Variants in TOMM70 observed in about 807,000 individuals in gnomAD.
The protein encoded by TOMM70 is mitochondrial import receptor subunit TOM70.
In TOMM70, 13 loss-of-function variants were observed where a neutral mutation model predicts 73.6. The ratio of observed to expected loss-of-function variants is 0.18; its 90% CI spans 0.11 to 0.28. The LOEUF is 0.28. Among genes scored for constraint, TOMM70 ranks in the 10% least tolerant of loss-of-function variants. The pLI is 1.00. For missense variants in TOMM70, 609 were observed against 747.5 expected, an observed-to-expected ratio of 0.81 and a Z score of 2.16; for synonymous variants, 257 against 271.2, an observed-to-expected ratio of 0.95 and a Z score of 0.51.
intron 9 of TOMM70, among the ~76,000 whole-genome samples, chr3:100,370,464 T>C (rs1706497096): frequency 6.6e-6 from 1 of 152,218 alleles, no homozygotes; most frequent in Non-Finnish European, 1.5e-5. Flanking sequence ...TTAACAATAA[T>C]GTAATAAATA....
intron 5 of TOMM70, 71 bp from the exon 6 acceptor site, chr3:100,377,983 ACG>A (rs1380112522): frequency 2.2e-6 from 3 of 1,383,904 alleles, no homozygotes; most frequent in Non-Finnish European, 3.0e-6. Context: ...GTGGTGGCTC[ACG>A]CCTGTAATCC....
intron 9 of TOMM70, chr3:100,372,066 C>A (rs1706515941): frequency 6.6e-6 from 1 of 152,182 alleles, no homozygotes; most frequent in South Asian, 2.1e-4. Context: ...AGAAGCTAAT[C>A]ATTTTCATTT....
At chr3:100,370,302 A>T (rs566683695) in intron 9 of TOMM70, among the ~76,000 whole-genome samples, 1 of 152,282 alleles carries the variant, frequency 6.6e-6, no homozygotes, top group African/African-American at 2.4e-5. Flanking sequence ...TCCCTTTAAT[A>T]ATAGGCAGTG....
At chr3:100,397,913 C>G (rs1706843241) in intron 1 of TOMM70, among the ~76,000 whole-genome samples, 1 of 151,456 alleles carries the variant, frequency 6.6e-6, no homozygotes, top group South Asian at 2.1e-4. Flanking sequence ...ATTTGTAAAA[C>G]TAAAAAACTC....
At chr3:100,373,741 G>T in intron 7 of TOMM70, 96 bp from the exon 8 acceptor site, 1 of 677,668 alleles carries the variant, frequency 1.5e-6, no homozygotes. Flanking sequence ...ATAATGCTGA[G>T]CATGTAGTAG....
chr3:100,373,252 G>A (rs277635), intron 8 of TOMM70, among the ~76,000 whole-genome samples: 22,956 of 151,808 alleles, frequency 0.15, 3,223 homozygotes, highest in East Asian at 0.49. Context: ...TTTACAGAGT[G>A]TTTCCTCAAA....
chr3:100,372,873 C>T, intron 8 of TOMM70, 151 bp from the exon 9 acceptor site: 1 of 665,582 alleles, frequency 1.5e-6, no homozygotes, highest in Non-Finnish European at 2.5e-6. Flanking sequence ...AAGTAGGTAT[C>T]TCAGCAGCAG....
In TOMM70 at chr3:100,400,662, G is replaced by A. The variant is rs1202381978; in HGVS notation, c.288C>T (p.Ser96=). ...GAGCACCGGGACCTTCAGGGTGTCCGCTGCCCGGGGCCGGACTGGCCCTGC... is the reference window on the plus strand; with the variant it reads ...GAGCACCGGGACCTTCAGGGTGTCCACTGCCCGGGGCCGGACTGGCCCTGC... ...PEGRASPAPG[S]GHPEGPGAHL... is the part of the protein sequence containing the mutation. Residue 96 remains serine (S), a synonymous_variant, in exon 1 of 12, where the codon AGC becomes AGT. Coordinates refer to ENST00000284320, the MANE Select transcript of TOMM70 (RefSeq NM_014820.5). The A allele has an allele frequency of 2.5e-6, 4 of 1,612,148 alleles. No individual in the cohort carries two copies. In the African/African-American group the frequency reaches 4.0e-5, roughly 16 times the overall value.
chr3:100,377,154 T>G (rs1484722408), intron 6 of TOMM70, among the ~76,000 whole-genome samples: 1 of 152,218 alleles, frequency 6.6e-6, no homozygotes, highest in Admixed American at 6.5e-5. Flanking sequence ...ATTGTTTTGT[T>G]ACACTGAATA....
chr3:100,399,854 G>A (rs1005763021), intron 1 of TOMM70, among the ~76,000 whole-genome samples: 1 of 151,606 alleles, frequency 6.6e-6, no homozygotes, highest in Non-Finnish European at 1.5e-5. Flanking sequence ...AGAGGGGACA[G>A]TGCAGTGCAG....
chr3:100,386,339 T>G lies in TOMM70; in HGVS notation c.504A>C (p.Lys168Asn). ...TACAGTCTTGTGCCACTTCTTTCCA[T>G]TTTTGCTGTAATTGAAAGTATTTAA... ...NRAAAFEQLQ[K>N]WKEVAQDCTK... The change falls in exon 3 of 12, where the codon AAA (lysine) becomes AAC (asparagine). Residue 168 changes from lysine (K) to asparagine (N), a missense_variant. Physicochemically the swap from Lys to Asn is moderately conservative, Grantham distance 94 (BLOSUM62 0). This residue lies in a region of TOMM70 where 432 missense variants were observed against 584.1 expected (regional missense o/e 0.74). Transcript: ENST00000284320. 6.3e-7 allele frequency: 1 copy of G among 1,597,938 alleles called. No individual in the cohort carries two copies. Among genetic ancestry groups the G allele is most frequent in the East Asian group, 2.2e-5 (1 of 44,654 alleles).
In TOMM70 at chr3:100,364,301, A is replaced by G. The variant is rs1191829677; in HGVS notation, c.*1263T>C. Reference sequence around the variant, plus strand: ...GTTAGCTCACTACAAAAAGCACTCTACATGTCCTCAGCATCTTCAAAAATA... The same window carrying G: ...GTTAGCTCACTACAAAAAGCACTCTGCATGTCCTCAGCATCTTCAAAAATA... On this transcript the variant is annotated 3_prime_UTR_variant, in exon 12 of 12. Transcript: ENST00000284320. The G allele has an allele frequency of 6.6e-6, 1 of 152,176 alleles. No homozygotes were observed. Among genetic ancestry groups the G allele is most frequent in the Non-Finnish European group, 1.5e-5 (1 of 68,042 alleles). 9.4% of individuals were successfully genotyped at this position (152,176 alleles called of 1,614,324 possible).
At chr3:100,397,682 A>G (rs761651059) in intron 1 of TOMM70, among the ~76,000 whole-genome samples, 5 of 151,988 alleles carry the variant, frequency 3.3e-5, no homozygotes, top group Non-Finnish European at 5.9e-5. Context: ...CGAGGTCAGG[A>G]GTTTGAGACC....
intron 1 of TOMM70, among the ~76,000 whole-genome samples, chr3:100,391,334 G>C (rs1018624983): frequency 6.6e-6 from 1 of 151,940 alleles, no homozygotes; most frequent in African/African-American, 2.4e-5. Context: ...AGCTACTCTA[G>C]AAGAAGGCTT....
intron 5 of TOMM70, among the ~76,000 whole-genome samples, chr3:100,378,226 G>C (rs1047828631): frequency 6.6e-6 from 1 of 151,466 alleles, no homozygotes; most frequent in African/African-American, 2.4e-5. Context: ...CTGGGAGACA[G>C]AGCAAGACTC....
At chr3:100,373,933 C>A (rs950797958) in intron 7 of TOMM70, among the ~76,000 whole-genome samples, 1 of 152,158 alleles carries the variant, frequency 6.6e-6, no homozygotes, top group African/African-American at 2.4e-5. Context: ...AACTAAACAT[C>A]CTGTACATTC....
At chr3:100,366,313 G>A (rs1290431576) in intron 11 of TOMM70, among the ~76,000 whole-genome samples, 1 of 152,038 alleles carries the variant, frequency 6.6e-6, no homozygotes. Context: ...GCCTGATTCT[G>A]GTCAAATCCA....
At position 100,400,850 on chromosome 3, in the gene TOMM70, C is replaced by G. The variant is rs1242530042; in HGVS notation, c.100G>C (p.Gly34Arg). 3 of 1,525,084 alleles carry G rather than the reference C, an allele frequency of 2.0e-6. No individual in the cohort carries two copies. Among genetic ancestry groups the G allele is most frequent in the African/African-American group, 2.8e-5 (2 of 71,148 alleles). 94.5% of individuals were successfully genotyped at this position (1,525,084 alleles called of 1,614,324 possible). Residue 34 changes from glycine to arginine, a missense_variant, in exon 1 of 12, where the codon GGG becomes CGG. Around this residue, in one of 2 missense-constraint regions of TOMM70, gnomAD observed 177 missense variants for 163.5 expected, o/e 1.08. Transcript: ENST00000284320. ...GCCAGCTGCCATCGCGGCAGCCCCC[C>G]CGTGCCCGGGCCCGCAGTCCCGCCG... ...GGGGTAGPGT[G>R]GLPRWQLALA...
intron 11 of TOMM70, among the ~76,000 whole-genome samples, chr3:100,367,115 G>A (rs772887946): frequency 5.3e-5 from 8 of 152,184 alleles, no homozygotes; most frequent in Non-Finnish European, 1.2e-4. Context: ...CAGCTACTTG[G>A]GTGGCTGAGG....
Sources: allele counts gnomAD v4.1 joint callset (sites outside exome capture counted in the v4.1 genomes callset), GRCh38; gene constraint gnomAD v4.1.1; regional missense constraint gnomAD v4.1.1; transcripts MANE v1.5; gene names NCBI Gene and HGNC (gene_info 2026-07-23, HGNC 2026-07-21).